PITPNC1: variants seen among roughly 807,000 people sequenced by gnomAD.
PITPNC1 encodes phosphatidylinositol transfer protein cytoplasmic 1.
PITPNC1 carries 18 observed loss-of-function variants against 44.7 expected under a neutral mutation model. The ratio of observed to expected loss-of-function variants is 0.40; its 90% CI spans 0.28 to 0.60. The LOEUF (loss-of-function observed/expected upper bound fraction) is 0.60, where lower values mean the gene tolerates loss of function less well. Ranked by LOEUF, PITPNC1 falls within the 20% of genes least tolerant of loss-of-function variation. The probability of loss-of-function intolerance (pLI) is 0.39; values close to 1 mark genes in which losing one functional copy is unlikely to be tolerated. For missense variants in PITPNC1, 290 were observed against 418.4 expected, an observed-to-expected ratio of 0.69 and a Z score of 2.68; for synonymous variants, 141 against 149.6, an observed-to-expected ratio of 0.94 and a Z score of 0.42.
intron 1 of PITPNC1, among the ~76,000 whole-genome samples, chr17:67,468,447 G>T (rs553164401): frequency 6.7e-6 from 1 of 148,516 alleles, no homozygotes; most frequent in African/African-American, 2.5e-5. Flanking sequence ...TGCCGCCCAG[G>T]CTGGAGTGCA....
chr17:67,386,120 A>G (rs1226257868), intron 1 of PITPNC1, among the ~76,000 whole-genome samples: 1 of 152,218 alleles, frequency 6.6e-6, no homozygotes, highest in Non-Finnish European at 1.5e-5. Flanking sequence ...AGCGAGTAAT[A>G]TTCATTTCAG....
At chr17:67,637,325 C>T (rs561987225) in intron 6 of PITPNC1, among the ~76,000 whole-genome samples, 1 of 152,172 alleles carries the variant, frequency 6.6e-6, no homozygotes, top group Admixed American at 6.5e-5. Context: ...CTCCATGGGC[C>T]TTTTCTTCCC....
intron 1 of PITPNC1, among the ~76,000 whole-genome samples, chr17:67,499,011 A>G (rs906550972): frequency 3.9e-5 from 6 of 152,002 alleles, no homozygotes; most frequent in Admixed American, 3.3e-4. Context: ...AGCTGGGCTT[A>G]CAGGCACCCG....
At chr17:67,613,047 A>G (rs1166737481) in intron 5 of PITPNC1, 1 of 152,238 alleles carries the variant, frequency 6.6e-6, no homozygotes, top group African/African-American at 2.4e-5. Context: ...AATACAAAAA[A>G]TTAGCTGGGA....
intron 1 of PITPNC1, among the ~76,000 whole-genome samples, chr17:67,521,811 G>A (rs2040328764): frequency 1.3e-5 from 2 of 152,310 alleles, no homozygotes; most frequent in South Asian, 2.1e-4. Context: ...GGAGACGGTC[G>A]ACTGTGAATG....
chr17:67,403,005 T>G (rs1477964744), intron 1 of PITPNC1, among the ~76,000 whole-genome samples: 1 of 152,122 alleles, frequency 6.6e-6, no homozygotes, highest in Admixed American at 6.6e-5. Context: ...TATATCTGTA[T>G]TAACCGTTCT....
At chr17:67,679,472 TA>T (rs2042663964) in intron 8 of PITPNC1, among the ~76,000 whole-genome samples, 1 of 152,224 alleles carries the variant, frequency 6.6e-6, no homozygotes. Context: ...GCACAAACTG[TA>T]CACACTGATG....
chr17:67,620,939 A>C (rs1433876155), intron 5 of PITPNC1, among the ~76,000 whole-genome samples: 2 of 152,144 alleles, frequency 1.3e-5, no homozygotes, highest in Admixed American at 1.3e-4. Flanking sequence ...ACCAGTAGGC[A>C]GTTCTCTGGG....
intron 2 of PITPNC1, among the ~76,000 whole-genome samples, chr17:67,534,779 G>A (rs911341955): frequency 1.3e-5 from 2 of 152,134 alleles, no homozygotes; most frequent in East Asian, 1.9e-4. Context: ...TGGCCTCTCC[G>A]ATTGGCCCAT....
chr17:67,573,463 T>C (rs1027737108), intron 4 of PITPNC1, among the ~76,000 whole-genome samples: 4 of 150,372 alleles, frequency 2.7e-5, no homozygotes, highest in Non-Finnish European at 5.9e-5. Context: ...GTCTCCAGGG[T>C]GCAAATGGAA....
At chr17:67,488,375 G>T (rs1177210699) in intron 1 of PITPNC1, among the ~76,000 whole-genome samples, 1 of 152,172 alleles carries the variant, frequency 6.6e-6, no homozygotes, top group Non-Finnish European at 1.5e-5. Context: ...GGCCCTCCCT[G>T]TGCCCCGGGG....
intron 1 of PITPNC1, among the ~76,000 whole-genome samples, chr17:67,433,777 C>G (rs2038893524): frequency 6.6e-6 from 1 of 152,024 alleles, no homozygotes; most frequent in Admixed American, 6.6e-5. Context: ...AGGAGGATCA[C>G]TTGAACCCAG....
At chr17:67,607,866 TTA>T (rs2041629505) in intron 5 of PITPNC1, among the ~76,000 whole-genome samples, 1 of 151,880 alleles carries the variant, frequency 6.6e-6, no homozygotes, top group East Asian at 1.9e-4. Context: ...GTACCTGGGA[TTA>T]TAGGCGCCCG....
At chr17:67,635,110 T>G (rs1408371606) in intron 6 of PITPNC1, among the ~76,000 whole-genome samples, 1 of 152,090 alleles carries the variant, frequency 6.6e-6, no homozygotes, top group Non-Finnish European at 1.5e-5. Flanking sequence ...TAAATGAAGC[T>G]GAGGTGTCAT....
chr17:67,527,527 AC>A (rs776912602), intron 1 of PITPNC1, among the ~76,000 whole-genome samples: 5 of 151,748 alleles, frequency 3.3e-5, no homozygotes, highest in African/African-American at 4.9e-5. Flanking sequence ...ACATGGCGAA[AC>A]CCCGTCTCTA....
At chr17:67,530,055 GA>G in intron 1 of PITPNC1, among the ~76,000 whole-genome samples, 1 of 150,550 alleles carries the variant, frequency 6.6e-6, no homozygotes, top group African/African-American at 2.4e-5. Context: ...TGGGGTGAGG[GA>G]AGGATCCGGT....
At chr17:67,495,052 G>GT (rs1243868487) in intron 1 of PITPNC1, among the ~76,000 whole-genome samples, 1,341 of 38,540 alleles carry the variant, frequency 0.035, 84 homozygotes, top group African/African-American at 0.079. Context: ...TTTTTTTTTT[G>GT]TTTTTTTTTT....
intron 2 of PITPNC1, among the ~76,000 whole-genome samples, chr17:67,534,931 C>T (rs894936786): frequency 7.2e-5 from 11 of 152,274 alleles, no homozygotes; most frequent in Non-Finnish European, 1.3e-4. Flanking sequence ...TTCCCATTCT[C>T]GCCTTGACCC....
intron 5 of PITPNC1, among the ~76,000 whole-genome samples, chr17:67,601,478 C>T (rs1267600291): frequency 6.6e-6 from 1 of 152,064 alleles, no homozygotes; most frequent in African/African-American, 2.4e-5. Flanking sequence ...GCTGGGCACC[C>T]CGTGGCTCAT....
Sources: gnomAD v4.1 joint callset for allele counts (sites outside exome capture counted in the v4.1 genomes callset) on GRCh38, gnomAD v4.1.1 for gene constraint, MANE v1.5 for transcripts, NCBI Gene and HGNC (gene_info 2026-07-23, HGNC 2026-07-21) for gene names.